Variants in HERC2 observed in about 807,000 individuals in gnomAD.
HERC2 encodes E3 ubiquitin-protein ligase HERC2.
Under a neutral mutation model 537.7 loss-of-function variants are expected in HERC2, and 102 were observed. That is an observed-to-expected ratio of 0.19 (90% CI 0.16 to 0.22). The LOEUF (loss-of-function observed/expected upper bound fraction) is 0.22, where lower values mean the gene tolerates loss of function less well. HERC2 is among the 10% of genes least tolerant of loss of function. The probability of loss-of-function intolerance (pLI) is 1.00; values close to 1 mark genes in which losing one functional copy is unlikely to be tolerated. For synonymous variants in HERC2, 2,224 were observed against 2,466.2 expected (o/e 0.90, Z 2.91); for missense variants, 4,236 against 6,198.2 (o/e 0.68, Z 10.63).
chr15:28,243,328 T>C (rs1903320373), intron 23 of HERC2, among the ~76,000 whole-genome samples: 1 of 152,090 alleles, frequency 6.6e-6, no homozygotes, highest in Non-Finnish European at 1.5e-5. Context: ...TAAAAGAAAA[T>C]CTGGGTAAGA....
intron 44 of HERC2, 150 bp from the exon 45 acceptor site, chr15:28,206,532 C>G (rs961761844): frequency 1.7e-6 from 1 of 573,322 alleles, no homozygotes; most frequent in African/African-American, 2.0e-5. Flanking sequence ...GTTCAGACAT[C>G]GAACAAAAAC....
At chr15:28,216,832 CAT>C (rs534480847) in intron 38 of HERC2, among the ~76,000 whole-genome samples, 2,016 of 150,664 alleles carry the variant, frequency 0.013, 20 homozygotes, top group African/African-American at 0.047. Context: ...TGCACTCTCA[CAT>C]ACACTTACCC....
intron 14 of HERC2, among the ~76,000 whole-genome samples, chr15:28,264,784 T>A (rs1358704290): frequency 1.3e-5 from 2 of 152,162 alleles, no homozygotes; most frequent in Non-Finnish European, 2.9e-5. Context: ...ATAATAGATA[T>A]TTTAAAATGA....
chr15:28,198,679 G>A lies in HERC2; in HGVS notation c.7807C>T (p.His2603Tyr). ...KVIKLDRDGL[H>Y]DLNVQCDWQQ... ...CAGTCACACTGCACATTGAGATCAT[G>A]CAATCCATCTCTGTCCAGCTTGATG... is the stretch of plus-strand genomic sequence containing the variant. The change falls in exon 49 of 93, where the codon CAT (histidine) becomes TAT (tyrosine). Residue 2603 changes from histidine to tyrosine, a missense_variant. By Grantham distance (83) the His-to-Tyr change is moderately conservative. This residue lies in a region of HERC2 where 606 missense variants were observed against 884.5 expected (regional missense o/e 0.69). Coordinates refer to ENST00000261609, the MANE Select transcript of HERC2 (RefSeq NM_004667.6). 6.2e-7 allele frequency: 1 copy of A among 1,614,126 alleles called. No homozygotes were observed. Among genetic ancestry groups the A allele is most frequent in the Non-Finnish European group, 8.5e-7 (1 of 1,180,002 alleles).
intron 5 of HERC2, among the ~76,000 whole-genome samples, chr15:28,276,723 C>T (rs991082598): frequency 6.7e-6 from 1 of 150,314 alleles, no homozygotes; most frequent in Non-Finnish European, 1.5e-5. Context: ...GGCGACAAAG[C>T]GAGACTCTGT....
At chr15:28,295,300 CAT>C (rs1491570902) in intron 3 of HERC2, among the ~76,000 whole-genome samples, 2 of 35,654 alleles carry the variant, frequency 5.6e-5, no homozygotes, top group African/African-American at 2.5e-4. Flanking sequence ...CTCTGTCCTA[CAT>C]GTGTGTGGGG....
intron 44 of HERC2, among the ~76,000 whole-genome samples, chr15:28,210,021 C>A (rs1898982834): frequency 1.4e-5 from 2 of 146,880 alleles, no homozygotes; most frequent in South Asian, 4.5e-4. Context: ...CAATCTGCAC[C>A]CTGCAATCCG....
chr15:28,267,922 G>GGAA (rs1186422107), intron 12 of HERC2, among the ~76,000 whole-genome samples: 1 of 152,230 alleles, frequency 6.6e-6, no homozygotes, highest in East Asian at 1.9e-4. Flanking sequence ...ATGCACAACA[G>GGAA]CAAAGTACAA....
Position 28,141,481 on chromosome 15 carries a change from T to C in HERC2, c.11966A>G (p.Gln3989Arg). The C allele has an allele frequency of 6.2e-7, 1 of 1,614,144 alleles. No individual in the cohort carries two copies. The highest frequency in any genetic ancestry group is 8.5e-7 in the Non-Finnish European group (1 of 1,180,020). Residue 3989 changes from glutamine (Q) to arginine (R), a missense_variant, in exon 78 of 93, where the codon CAG becomes CGG. This residue lies in a region of HERC2 where 156 missense variants were observed against 172.3 expected (regional missense o/e 0.91). Transcript: ENST00000261609. ...CEALATLRPV[Q>R]LIGGEQTLFA... is the part of the protein sequence containing the mutation. ...GAGGGTCTGTTCCCCTCCGATTAAC[T>C]GCACGGGTCTGAGAGTTGCAAGGGC...
intron 2 of HERC2, chr15:28,315,651 G>A (rs1237171751): frequency 1.3e-5 from 8 of 631,584 alleles, no homozygotes; most frequent in Admixed American, 8.6e-5. Flanking sequence ...AAAATTATCT[G>A]GCTCTCGGCG....
At chr15:28,216,982 CACT>C (rs1247583014) in intron 38 of HERC2, among the ~76,000 whole-genome samples, 1 of 152,158 alleles carries the variant, frequency 6.6e-6, no homozygotes, top group Admixed American at 6.5e-5. Context: ...ACCTCCCATT[CACT>C]GACACAAGCA....
chr15:28,292,768 T>TA (rs1293929217), intron 4 of HERC2, 120 bp downstream of exon 4: 3 of 1,051,536 alleles, frequency 2.9e-6, no homozygotes, highest in Non-Finnish European at 4.2e-6. Flanking sequence ...CCACAATATT[T>TA]AAATTTTTTA....
At position 28,191,219 on chromosome 15, in the gene HERC2, G is replaced by T; in HGVS notation, c.8477C>A (p.Pro2826Gln). 1 of 1,613,016 alleles carries T rather than the reference G, an allele frequency of 6.2e-7. No individual in the cohort carries two copies. Among genetic ancestry groups the T allele is most frequent in the Non-Finnish European group, 8.5e-7 (1 of 1,179,598 alleles). ...GKHWIRLEIF[P>Q]DVLVHRLKMI... ...TTTTAATCTATGAACAAGAACATCT[G>T]GGAAAATCTCCAAACGAATCCAGTG... The change falls in exon 54 of 93, where the codon CCA becomes CAA. Residue 2826 changes from proline (P) to glutamine (Q), a missense_variant. Transcript: ENST00000261609.
At chr15:28,147,042 T>A (rs1891820913) in intron 70 of HERC2, among the ~76,000 whole-genome samples, 1 of 132,434 alleles carries the variant, frequency 7.6e-6, no homozygotes, top group African/African-American at 2.9e-5. Flanking sequence ...CCGCAGGAGG[T>A]GGGGAGTGGA....
At chr15:28,246,979 C>G (rs1903772961) in intron 21 of HERC2, 82 bp from the exon 22 acceptor site, 3 of 1,152,314 alleles carry the variant, frequency 2.6e-6, no homozygotes, top group South Asian at 2.7e-5. Flanking sequence ...TGATGCTATT[C>G]TCATCTACAC....
intron 16 of HERC2, among the ~76,000 whole-genome samples, chr15:28,259,239 C>T (rs554327530): frequency 2.0e-5 from 3 of 152,018 alleles, no homozygotes; most frequent in African/African-American, 2.4e-5. Context: ...GGATTACAGG[C>T]GCACATCACC....
rs199713563 is a variant in HERC2 at position 28,213,793 on chromosome 15, C to G, written c.6735G>C (p.Gln2245His). The G allele has an allele frequency of 9.3e-6, 15 of 1,614,024 alleles. No individual in the cohort carries two copies. In the African/African-American group the frequency reaches 2.0e-4, roughly 22 times the overall value. ...RITPKGKITV[Q>H]FSDMRTCRVC... ...CGCGACACGTCCGCATGTCAGAGAACTGCACGGTGATTTTGCCCTTTGGGG... is the reference window on the plus strand; with the variant it reads ...CGCGACACGTCCGCATGTCAGAGAAGTGCACGGTGATTTTGCCCTTTGGGG... Residue 2245 changes from glutamine to histidine, a missense_variant, in exon 42 of 93, where the codon CAG (glutamine) becomes CAC (histidine). Coordinates refer to ENST00000261609, the MANE Select transcript of HERC2 (RefSeq NM_004667.6).
chr15:28,225,696 C>CAAAAA (rs35629645), intron 35 of HERC2, among the ~76,000 whole-genome samples: 20 of 58,646 alleles, frequency 3.4e-4, no homozygotes, highest in Middle Eastern at 8.2e-3. Flanking sequence ...GACTCCGTCT[C>CAAAAA]AAAAAAAAAA....
chr15:28,208,301 C>T (rs1209181007), intron 44 of HERC2, among the ~76,000 whole-genome samples: 2 of 152,168 alleles, frequency 1.3e-5, no homozygotes, highest in Admixed American at 6.5e-5. Flanking sequence ...TCAATTCAAG[C>T]TTGAAACAGC....
Sources: gnomAD v4.1 joint callset for allele counts (sites outside exome capture counted in the v4.1 genomes callset) on GRCh38, gnomAD v4.1.1 for gene constraint, gnomAD v4.1.1 regional missense constraint, MANE v1.5 for transcripts, NCBI Gene and HGNC (gene_info 2026-07-23, HGNC 2026-07-21) for gene names.